PPP2R2B: variants seen among roughly 807,000 people sequenced by gnomAD.
PPP2R2B encodes the protein serine/threonine-protein phosphatase 2A 55 kDa regulatory subunit B beta isoform.
In PPP2R2B, 5 loss-of-function variants were observed where a neutral mutation model predicts 46.0. The observed-to-expected ratio is 0.11, with a 90% CI of 0.06 to 0.23. The LOEUF (loss-of-function observed/expected upper bound fraction) is 0.23. Among genes scored for constraint, PPP2R2B ranks in the 10% least tolerant of loss-of-function variants. The probability of loss-of-function intolerance (pLI) is 1.00; values close to 1 mark genes in which losing one functional copy is unlikely to be tolerated. For missense variants in PPP2R2B, 367 were observed against 575.0 expected, an observed-to-expected ratio of 0.64 and a Z score of 3.70; for synonymous variants, 215 against 206.7, an observed-to-expected ratio of 1.04 and a Z score of -0.34.
chr5:146,865,689 G>T (rs570524242), intron 2 of PPP2R2B, among the ~76,000 whole-genome samples: 5 of 152,108 alleles, frequency 3.3e-5, no homozygotes, highest in Non-Finnish European at 5.9e-5. Flanking sequence ...AAGGGATATG[G>T]CTATGTGTGA....
intron 1 of PPP2R2B, among the ~76,000 whole-genome samples, chr5:147,041,653 G>C (rs6881673): frequency 6.6e-6 from 1 of 151,934 alleles, no homozygotes; most frequent in African/African-American, 2.4e-5. Context: ...TCCTGAAGAC[G>C]GTGATTCTTG....
chr5:146,962,234 A>G (rs1752202915), intron 1 of PPP2R2B, among the ~76,000 whole-genome samples: 1 of 150,344 alleles, frequency 6.7e-6, no homozygotes, highest in Non-Finnish European at 1.5e-5. Context: ...GTTCAAATTG[A>G]TCATGCCAAC....
chr5:146,968,226 A>G (rs1348804320), intron 1 of PPP2R2B, among the ~76,000 whole-genome samples: 1 of 152,090 alleles, frequency 6.6e-6, no homozygotes, highest in Non-Finnish European at 1.5e-5. Context: ...CCCTTTTTTG[A>G]ACCTTTCCTC....
At chr5:147,040,285 A>G (rs1756232686) in intron 1 of PPP2R2B, among the ~76,000 whole-genome samples, 1 of 152,184 alleles carries the variant, frequency 6.6e-6, no homozygotes, top group Admixed American at 6.5e-5. Context: ...ATATCTGAGG[A>G]TCAACAGAGA....
chr5:146,843,450 G>A (rs1365718640), intron 2 of PPP2R2B, among the ~76,000 whole-genome samples: 2 of 152,102 alleles, frequency 1.3e-5, no homozygotes, highest in Admixed American at 6.5e-5. Context: ...AGCCCCAAAG[G>A]GAACTTATTC....
At chr5:146,627,938 A>T (rs1353152494) in intron 7 of PPP2R2B, among the ~76,000 whole-genome samples, 3 of 151,966 alleles carry the variant, frequency 2.0e-5, no homozygotes, top group Non-Finnish European at 4.4e-5. Flanking sequence ...CTGTTCACAG[A>T]AACATCTCAG....
intron 1 of PPP2R2B, among the ~76,000 whole-genome samples, chr5:146,999,087 A>G (rs1042468489): frequency 4.0e-5 from 6 of 150,758 alleles, no homozygotes; most frequent in Non-Finnish European, 8.8e-5. Flanking sequence ...CTTCAGGCCT[A>G]TATAATTGTT....
chr5:146,867,151 T>C (rs1387966533), intron 2 of PPP2R2B, among the ~76,000 whole-genome samples: 2 of 152,170 alleles, frequency 1.3e-5, no homozygotes. Context: ...TGACAAAGCA[T>C]TGTCAAATTA....
chr5:147,076,752 T>A (rs1757778413), intron 2 of PPP2R2B, among the ~76,000 whole-genome samples: 1 of 152,260 alleles, frequency 6.6e-6, no homozygotes, highest in South Asian at 2.1e-4. Context: ...TTTGATGTGA[T>A]GCTTTACTCT....
intron 9 of PPP2R2B, among the ~76,000 whole-genome samples, 172 bp from the exon 10 acceptor site, chr5:146,590,398 G>GTTTTTTTTTTTTTTTTTTTTTTTTTGT (rs1221281341): frequency 8.8e-6 from 1 of 113,418 alleles, no homozygotes; most frequent in Non-Finnish European, 1.9e-5. Context: ...TTTTTTTTGT[G>GTTTTTTTTTTTTTTTTTTTTTTTTTGT]TTTTTTTTTT....
intron 2 of PPP2R2B, among the ~76,000 whole-genome samples, chr5:146,816,901 G>A (rs2151327988): frequency 6.6e-6 from 1 of 152,294 alleles, no homozygotes; most frequent in South Asian, 2.1e-4. Context: ...TGATTTTGAT[G>A]AATACCAGTG....
intron 2 of PPP2R2B, among the ~76,000 whole-genome samples, chr5:146,738,990 A>C (rs1318389617): frequency 6.6e-6 from 1 of 150,414 alleles, no homozygotes; most frequent in East Asian, 2.0e-4. Context: ...ATGCAATAGG[A>C]ATTAAGATAA....
At chr5:146,971,162 A>G (rs947657793) in intron 1 of PPP2R2B, among the ~76,000 whole-genome samples, 2 of 152,216 alleles carry the variant, frequency 1.3e-5, no homozygotes, top group Non-Finnish European at 2.9e-5. Context: ...TGATAGCATC[A>G]TAGATTTGGT....
At chr5:146,592,892 GTACTC>G in intron 9 of PPP2R2B, 74 bp downstream of exon 9, 1 of 1,403,864 alleles carries the variant, frequency 7.1e-7, no homozygotes, top group Non-Finnish European at 1.0e-6. Flanking sequence ...CCCTTTGGCT[GTACTC>G]TACTTAGGAT....
rs1364230306 is a variant in PPP2R2B, at chr5:146,878,461, C to G, written c.-125+130G>C. The G allele has an allele frequency of 7.3e-7, 1 of 1,373,268 alleles. No individual in the cohort carries two copies. The highest frequency in any genetic ancestry group is 2.7e-5 in the East Asian group (1 of 36,672). The allele number at this position is 1,373,268 out of a possible 1,614,324, so 85.1% of individuals were successfully genotyped here. A position where few individuals can be genotyped will look rare whatever the true frequency, so the allele number is the denominator to read the frequency against. On this transcript the variant is annotated intron_variant, in intron 1 of 9. Transcript: ENST00000394411. This position sits in a 1 kb window ranked among gnomAD's most constrained non-coding sequence, Gnocchi z 4.5. ...GGGGAGATGCCCAACAGGTTCCCCTCCTTGGCAGCCGCTCCAAAATGCAAA... is the reference window on the plus strand; with the variant it reads ...GGGGAGATGCCCAACAGGTTCCCCTGCTTGGCAGCCGCTCCAAAATGCAAA...
At chr5:146,804,717 A>T (rs192052595) in intron 2 of PPP2R2B, among the ~76,000 whole-genome samples, 3 of 152,272 alleles carry the variant, frequency 2.0e-5, no homozygotes, top group Admixed American at 2.0e-4. Flanking sequence ...TTAGACATGA[A>T]TCTCTTCAAA....
chr5:146,842,806 T>C (rs1017127106), intron 2 of PPP2R2B, among the ~76,000 whole-genome samples: 3 of 152,222 alleles, frequency 2.0e-5, no homozygotes, highest in Non-Finnish European at 4.4e-5. Flanking sequence ...TAATAACAAC[T>C]AAATACTGTT....
intron 2 of PPP2R2B, among the ~76,000 whole-genome samples, chr5:146,855,276 A>T (rs141880750): frequency 4.6e-5 from 7 of 152,288 alleles, no homozygotes; most frequent in African/African-American, 1.4e-4. Context: ...GCTGAACTCT[A>T]CCTCACATCA....
intron 2 of PPP2R2B, among the ~76,000 whole-genome samples, chr5:146,826,607 T>C (rs1403134006): frequency 6.6e-6 from 1 of 152,156 alleles, no homozygotes; most frequent in Non-Finnish European, 1.5e-5. Context: ...AACTAGAACT[T>C]ACTTTTTGTG....
Sources: gnomAD v4.1 joint callset for allele counts (sites outside exome capture counted in the v4.1 genomes callset) on GRCh38, gnomAD v4.1.1 for gene constraint, Gnocchi (gnomAD v3.1) non-coding constraint, MANE v1.5 for transcripts, NCBI Gene and HGNC (gene_info 2026-07-23, HGNC 2026-07-21) for gene names.